The following XKR9 variants were observed in gnomAD, a reference collection of about 807,000 sequenced individuals.
The protein encoded by XKR9 is XK related 9.
A neutral mutation model predicts 32.0 loss-of-function variants in XKR9; 32 were observed. The observed-to-expected ratio is 1.00, with a 90% CI of 0.76 to 1.34. The LOEUF (loss-of-function observed/expected upper bound fraction) is 1.34. Among genes scored for constraint, XKR9 ranks in the 40% most tolerant of loss-of-function variants. XKR9 has a pLI of 0.00. For missense variants in XKR9, 546 were observed against 429.7 expected, an observed-to-expected ratio of 1.27 and a Z score of -2.39; for synonymous variants, 168 against 143.4, an observed-to-expected ratio of 1.17 and a Z score of -1.22.
chr8:70,739,980 C>T (rs529689637), downstream of XKR9, among the ~76,000 whole-genome samples: 201 of 152,136 alleles, frequency 1.3e-3, 2 homozygotes, highest in Non-Finnish European at 1.3e-3. Flanking sequence ...ATCTTTGTGG[C>T]GTTCTCTGTA....
At chr8:70,783,062 G>C (rs570613320) in intron 2 of XKR9, among the ~76,000 whole-genome samples, 1 of 152,182 alleles carries the variant, frequency 6.6e-6, no homozygotes, top group East Asian at 1.9e-4. Flanking sequence ...ACCACCAAGG[G>C]TTCCCTTTTT....
the XKR9 span, among the ~76,000 whole-genome samples, chr8:71,003,868 G>C: frequency 6.6e-6 from 1 of 152,160 alleles, no homozygotes; most frequent in South Asian, 2.1e-4. Flanking sequence ...GTATTTCCTA[G>C]AGATAAAACG....
the XKR9 span, among the ~76,000 whole-genome samples, chr8:70,832,697 C>A: frequency 6.6e-6 from 1 of 152,122 alleles, no homozygotes; most frequent in Non-Finnish European, 1.5e-5. Context: ...ACAACCCTGC[C>A]AGTAAGGGAT....
At chr8:70,720,900 G>A (rs559866849) in intron 4 of XKR9, among the ~76,000 whole-genome samples, 5 of 152,276 alleles carry the variant, frequency 3.3e-5, no homozygotes, top group African/African-American at 9.6e-5. Flanking sequence ...TGTACCTCTG[G>A]TAGAATTCAA....
chr8:70,759,857 A>G (rs1807284472), intron 2 of XKR9, among the ~76,000 whole-genome samples: 1 of 152,210 alleles, frequency 6.6e-6, no homozygotes, highest in African/African-American at 2.4e-5. Context: ...AGAGCACTTA[A>G]CTTTCAACAA....
the XKR9 span, among the ~76,000 whole-genome samples, chr8:70,876,584 G>T: frequency 5.3e-5 from 8 of 151,736 alleles, no homozygotes; most frequent in Non-Finnish European, 1.2e-4. Flanking sequence ...GCAACCTCTG[G>T]GTAAACTCCC....
At chr8:71,035,938 GAAGAATCTGAACAAACAGGC>G in the XKR9 span, among the ~76,000 whole-genome samples, 1 of 152,148 alleles carries the variant, frequency 6.6e-6, no homozygotes, top group Admixed American at 6.5e-5. Context: ...GGAATACAGA[GAAGAATCTGAACAAACAGGC>G]CTTACTAAGC....
intron 4 of XKR9, among the ~76,000 whole-genome samples, chr8:70,711,639 G>A (rs1293651507): frequency 6.7e-6 from 1 of 150,138 alleles, no homozygotes; most frequent in East Asian, 2.0e-4. Context: ...ATGCAGGGTG[G>A]GAAGAGGGTG....
the XKR9 span, among the ~76,000 whole-genome samples, chr8:70,808,514 A>G: frequency 3.3e-4 from 50 of 152,270 alleles, no homozygotes; most frequent in African/African-American, 1.1e-3. Flanking sequence ...CTCACCCAGG[A>G]AGCACAAGGG....
At chr8:71,044,181 A>G in the XKR9 span, among the ~76,000 whole-genome samples, 1 of 152,230 alleles carries the variant, frequency 6.6e-6, no homozygotes, top group Non-Finnish European at 1.5e-5. Context: ...CTATATACAT[A>G]GATTTTTATC....
the XKR9 span, among the ~76,000 whole-genome samples, chr8:70,801,148 T>C: frequency 6.6e-6 from 1 of 152,156 alleles, no homozygotes; most frequent in Non-Finnish European, 1.5e-5. Context: ...TTCATTGATA[T>C]TTCATATGGT....
At chr8:70,916,054 T>C in the XKR9 span, among the ~76,000 whole-genome samples, 14 of 152,186 alleles carry the variant, frequency 9.2e-5, no homozygotes, top group Admixed American at 2.6e-4. Context: ...TCCCATAACC[T>C]GTGATGCCAC....
At chr8:70,891,371 A>G in the XKR9 span, among the ~76,000 whole-genome samples, 1 of 151,706 alleles carries the variant, frequency 6.6e-6, no homozygotes, top group Non-Finnish European at 1.5e-5. Flanking sequence ...GCCCTTTGAG[A>G]TGAATTGTTA....
chr8:70,886,047 T>C, the XKR9 span, among the ~76,000 whole-genome samples: 4 of 152,188 alleles, frequency 2.6e-5, no homozygotes, highest in Non-Finnish European at 5.9e-5. Flanking sequence ...CCTAGTCCCC[T>C]ACCCCCGCAC....
the XKR9 span, among the ~76,000 whole-genome samples, chr8:70,819,308 C>G: frequency 2.0e-5 from 3 of 152,194 alleles, no homozygotes; most frequent in Non-Finnish European, 2.9e-5. Context: ...TTCTCTACTA[C>G]TTCCTTGAAA....
chr8:71,007,461 G>T, the XKR9 span, among the ~76,000 whole-genome samples: 1 of 152,006 alleles, frequency 6.6e-6, no homozygotes, highest in African/African-American at 2.4e-5. Flanking sequence ...ACAATAAAAA[G>T]CAAAGTGAAT....
chr8:70,868,579 C>T, the XKR9 span, among the ~76,000 whole-genome samples: 2 of 152,226 alleles, frequency 1.3e-5, no homozygotes, highest in Admixed American at 1.3e-4. Flanking sequence ...CTGCACATAG[C>T]ACGAGGACCC....
chr8:71,047,191 T>C, the XKR9 span, among the ~76,000 whole-genome samples: 27 of 152,256 alleles, frequency 1.8e-4, no homozygotes, highest in African/African-American at 6.5e-4. Flanking sequence ...GGAAAGAAGA[T>C]TGGGTAAGAA....
chr8:70,972,302 G>A, the XKR9 span, among the ~76,000 whole-genome samples: 1 of 152,112 alleles, frequency 6.6e-6, no homozygotes, highest in Non-Finnish European at 1.5e-5. Flanking sequence ...ACTGATTTGT[G>A]TACATTAACT....
Sources: gnomAD v4.1 joint callset for allele counts (sites outside exome capture counted in the v4.1 genomes callset) on GRCh38, gnomAD v4.1.1 for gene constraint, MANE v1.5 for transcripts, NCBI Gene and HGNC (gene_info 2026-07-23, HGNC 2026-07-21) for gene names.